TCF12: variants seen among roughly 807,000 people sequenced by gnomAD.
TCF12 encodes the protein transcription factor 12, also known as DNA-binding protein HTF4.
TCF12 carries 45 observed loss-of-function variants against 86.0 expected under a neutral mutation model. That is an observed-to-expected ratio of 0.52 (90% CI 0.41 to 0.67). The LOEUF (loss-of-function observed/expected upper bound fraction) is 0.67, where lower values mean the gene tolerates loss of function less well. Among genes scored for constraint, TCF12 ranks in the 30% least tolerant of loss-of-function variants. The probability of loss-of-function intolerance (pLI) is 0.00; values close to 1 mark genes in which losing one functional copy is unlikely to be tolerated. For synonymous variants in TCF12, 330 were observed against 299.6 expected (o/e 1.10, Z -1.05); for missense variants, 881 against 859.9 (o/e 1.02, Z -0.31).
intron 3 of TCF12, among the ~76,000 whole-genome samples, chr15:56,999,726 T>C (rs1474089174): frequency 6.6e-6 from 1 of 151,720 alleles, no homozygotes; most frequent in Non-Finnish European, 1.5e-5. Context: ...ATACAAAAAT[T>C]AGCTGGGCGT....
intron 3 of TCF12, among the ~76,000 whole-genome samples, chr15:56,926,432 TAAGA>T (rs1215648605): frequency 6.6e-6 from 1 of 152,072 alleles, no homozygotes; most frequent in African/African-American, 2.4e-5. Context: ...ATTGAGTCCA[TAAGA>T]AAGAGGCTGT....
intron 4 of TCF12, among the ~76,000 whole-genome samples, chr15:57,074,497 G>GTTTGTTTGTTTGTTTC (rs2069711327): frequency 6.6e-6 from 1 of 152,046 alleles, no homozygotes; most frequent in Non-Finnish European, 1.5e-5. Flanking sequence ...CCAACAAGAA[G>GTTTGTTTGTTTGTTTC]TTTGTTTGTT....
At chr15:57,141,098 C>T (rs561934548) in intron 5 of TCF12, among the ~76,000 whole-genome samples, 6 of 152,150 alleles carry the variant, frequency 3.9e-5, no homozygotes, top group Non-Finnish European at 7.3e-5. Flanking sequence ...CTGTGACAGC[C>T]GGTCCTTCAG....
At chr15:56,928,119 C>T (rs761961983) in intron 3 of TCF12, among the ~76,000 whole-genome samples, 6 of 152,012 alleles carry the variant, frequency 3.9e-5, no homozygotes, top group South Asian at 2.1e-4. Flanking sequence ...GGATTGGAAT[C>T]GATGACTTGC....
At chr15:57,098,999 T>G (rs2049535391) in intron 5 of TCF12, among the ~76,000 whole-genome samples, 1 of 152,198 alleles carries the variant, frequency 6.6e-6, no homozygotes, top group Non-Finnish European at 1.5e-5. Flanking sequence ...GCTCCCTCAC[T>G]CCAGTATTTC....
In TCF12 at chr15:57,148,493, G is replaced by A. The variant is rs555688107; in HGVS notation, c.326-17909G>A. 4.6e-5 allele frequency among the ~76,000 whole-genome samples: 7 copies of A among 151,974 alleles called. No homozygotes were observed. In the East Asian group the frequency reaches 1.4e-3, roughly 29 times the overall value. Reference sequence around the variant, plus strand: ...ACAATTCATACAGAGGGGCTAACAAGCCAAACCAGCAGCCTTCAGTGGGAG... The same window carrying A: ...ACAATTCATACAGAGGGGCTAACAAACCAAACCAGCAGCCTTCAGTGGGAG... On this transcript the variant is annotated intron_variant, in intron 5 of 20. Coordinates refer to ENST00000333725, the MANE Select transcript of TCF12 (RefSeq NM_207037.2).
intron 3 of TCF12, among the ~76,000 whole-genome samples, chr15:56,963,027 C>CTTTTTTTTTTTTTT (rs532973260): frequency 2.1e-5 from 2 of 96,232 alleles, no homozygotes; most frequent in African/African-American, 3.7e-5. Context: ...GTGTTAAGGT[C>CTTTTTTTTTTTTTT]TTTTTTTTTT....
chr15:57,012,908 T>C (rs778375967), intron 3 of TCF12, among the ~76,000 whole-genome samples: 9 of 152,200 alleles, frequency 5.9e-5, no homozygotes, highest in Non-Finnish European at 1.2e-4. Context: ...AGTTATATTA[T>C]TTTTCTTTAT....
intron 5 of TCF12, among the ~76,000 whole-genome samples, chr15:57,119,270 GTTTT>G (rs1392685463): frequency 1.3e-5 from 2 of 151,358 alleles, no homozygotes; most frequent in South Asian, 4.2e-4. Flanking sequence ...TGGTGGTTTT[GTTTT>G]TTTGTTTGTT....
At chr15:57,269,168 T>C (rs147165283) in intron 18 of TCF12, among the ~76,000 whole-genome samples, 2 of 152,224 alleles carry the variant, frequency 1.3e-5, no homozygotes, top group African/African-American at 2.4e-5. Context: ...TAAGTCTTTT[T>C]GTAGGTCTGT....
intron 3 of TCF12, among the ~76,000 whole-genome samples, chr15:56,966,403 A>G (rs1466193786): frequency 1.3e-5 from 2 of 152,218 alleles, no homozygotes; most frequent in Non-Finnish European, 2.9e-5. Context: ...CATGCTGTGT[A>G]ATCTAACCTG....
At chr15:57,256,925 A>G (rs1311417977) in intron 16 of TCF12, among the ~76,000 whole-genome samples, 1 of 152,064 alleles carries the variant, frequency 6.6e-6, no homozygotes, top group Non-Finnish European at 1.5e-5. Flanking sequence ...TAAATATATC[A>G]CTCTTCCTCC....
chr15:57,241,782 C>G (rs62024461), intron 12 of TCF12, among the ~76,000 whole-genome samples: 1 of 152,098 alleles, frequency 6.6e-6, no homozygotes, highest in Non-Finnish European at 1.5e-5. Flanking sequence ...CATCTGAGGT[C>G]AGGAGTTCAA....
At chr15:56,927,155 A>G (rs764412435) in intron 3 of TCF12, among the ~76,000 whole-genome samples, 3 of 152,188 alleles carry the variant, frequency 2.0e-5, no homozygotes, top group Non-Finnish European at 4.4e-5. Flanking sequence ...GGAGGTAGTA[A>G]AGATGCTGAA....
intron 8 of TCF12, among the ~76,000 whole-genome samples, chr15:57,211,979 C>CCACACA (rs58113866): frequency 5.6e-4 from 47 of 83,698 alleles, no homozygotes; most frequent in African/African-American, 7.9e-4. Context: ...CACACACACA[C>CCACACA]CACACACACA....
At chr15:57,187,109 G>A (rs532422554) in intron 6 of TCF12, among the ~76,000 whole-genome samples, 14 of 151,988 alleles carry the variant, frequency 9.2e-5, no homozygotes, top group Non-Finnish European at 1.9e-4. Flanking sequence ...GAACCTGGAG[G>A]TGGACGTTGC....
At chr15:57,191,736 G>C (rs2056988672) in intron 6 of TCF12, among the ~76,000 whole-genome samples, 1 of 152,100 alleles carries the variant, frequency 6.6e-6, no homozygotes, top group Non-Finnish European at 1.5e-5. Context: ...TCAGGAGTTT[G>C]AGTCCAGTCT....
chr15:57,127,345 C>G (rs753334699), intron 5 of TCF12, among the ~76,000 whole-genome samples: 5 of 151,998 alleles, frequency 3.3e-5, no homozygotes, highest in African/African-American at 1.2e-4. Context: ...AAAACAATTA[C>G]AATATACAAG....
At chr15:57,219,212 ATTT>A (rs1364605863) in intron 8 of TCF12, 2 of 1,101,444 alleles carry the variant, frequency 1.8e-6, no homozygotes, top group Non-Finnish European at 1.1e-6. Context: ...TTCTTGGGTT[ATTT>A]TTATTCAGGG....
Sources: gnomAD v4.1 joint callset for allele counts (sites outside exome capture counted in the v4.1 genomes callset) on GRCh38, gnomAD v4.1.1 for gene constraint, MANE v1.5 for transcripts, NCBI Gene and HGNC (gene_info 2026-07-23, HGNC 2026-07-21) for gene names.